Variants in LCP1 observed in about 807,000 individuals in gnomAD.
LCP1 encodes the protein lymphocyte cytosolic protein 1, also known as plastin-2.
In LCP1, 23 loss-of-function variants were observed where a neutral mutation model predicts 72.0. The observed-to-expected ratio is 0.32, with a 90% confidence interval of 0.23 to 0.45. LCP1 has a LOEUF of 0.45. Ranked by LOEUF, LCP1 falls within the 20% of genes least tolerant of loss-of-function variation. The pLI is 1.00. For missense variants in LCP1, 571 were observed against 748.3 expected (o/e 0.76, Z 2.76); for synonymous variants, 245 against 275.4 (o/e 0.89, Z 1.09).
At chr13:46,177,896 A>G (rs2045939339) in intron 1 of LCP1, among the ~76,000 whole-genome samples, 1 of 145,626 alleles carries the variant, frequency 6.9e-6, no homozygotes, top group African/African-American at 2.6e-5. Flanking sequence ...GATGATGATG[A>G]TGATATGATG....
At chr13:46,179,561 G>A (rs2138292403) in intron 1 of LCP1, among the ~76,000 whole-genome samples, 1 of 152,304 alleles carries the variant, frequency 6.6e-6, no homozygotes, top group East Asian at 1.9e-4. Flanking sequence ...ACATTTAGTG[G>A]GGGCAGGGAG....
At position 46,151,035 on chromosome 13, in the gene LCP1, C is replaced by T. The variant is rs1172203849; in HGVS notation, c.783G>A (p.Leu261=). The T allele has an allele frequency of 6.2e-7, 1 of 1,614,048 alleles. No homozygotes were observed. The highest frequency in any genetic ancestry group is 1.1e-5 in the South Asian group (1 of 91,080). Residue 261 remains leucine, a synonymous_variant, in exon 8 of 16, where the codon TTG becomes TTA. Transcript: ENST00000323076. ...LLREGESLED[L]MKLSPEELLL... The stretch of plus-strand genomic sequence containing the variant: ...AGAGCTCTTCAGGGGAGAGTTTCAT[C>T]AAATCCTCCAGGCTCTCACCTTCTC...
Position 46,148,354 on chromosome 13 carries a change from G to A in LCP1, c.976C>T (p.Arg326Trp), listed in dbSNP as rs759502564. 20 of 1,609,624 alleles carry A rather than the reference G, an allele frequency of 1.2e-5. No individual in the cohort carries two copies. The East Asian group carries it at 1.8e-4, about 14-fold the overall frequency. The change falls in exon 9 of 16, where the codon CGG (arginine) becomes TGG (tryptophan). Residue 326 changes from arginine to tryptophan, a missense_variant and splice_region_variant. Arg to Trp is a moderately radical substitution (Grantham distance 101). Coordinates refer to ENST00000323076, the MANE Select transcript of LCP1 (RefSeq NM_002298.5). ...PAVVIDMSGL[R>W]EKDDIQRAEC... ...ACACAACTGGGACCTGGCCTTACCC[G>A]CAGTCCTGACATGTCAATAACAACA...
At chr13:46,148,062 T>C (rs538363307) in intron 9 of LCP1, among the ~76,000 whole-genome samples, 70 of 152,352 alleles carry the variant, frequency 4.6e-4, no homozygotes, top group Middle Eastern at 6.8e-3. Flanking sequence ...TATTATAACA[T>C]TCAGACCCAT....
chr13:46,150,239 T>C (rs1312872116), intron 8 of LCP1, among the ~76,000 whole-genome samples: 2 of 152,240 alleles, frequency 1.3e-5, no homozygotes, highest in Admixed American at 1.3e-4. Context: ...TCTTTCCTTC[T>C]AGGGACCGCT....
At chr13:46,151,676 C>A (rs1394457644) in intron 7 of LCP1, among the ~76,000 whole-genome samples, 1 of 152,184 alleles carries the variant, frequency 6.6e-6, no homozygotes, top group East Asian at 1.9e-4. Context: ...CCTATTTCCT[C>A]TCCCCCGCCT....
chr13:46,154,752 T>G (rs1303921018), intron 6 of LCP1, 53 bp downstream of exon 6: 44 of 1,450,674 alleles, frequency 3.0e-5, no homozygotes, highest in Non-Finnish European at 3.8e-5. Flanking sequence ...GCAGTTATGA[T>G]GCTCATTGAT....
chr13:46,133,717 C>T (rs567488338), intron 14 of LCP1, among the ~76,000 whole-genome samples: 171 of 151,258 alleles, frequency 1.1e-3, no homozygotes, highest in African/African-American at 3.9e-3. Context: ...TAAAAATAGA[C>T]AGTAGAAACT....
At position 46,143,377 on chromosome 13, in the gene LCP1, G is replaced by T; in HGVS notation, c.1281C>A (p.Phe427Leu). Reference sequence around the variant, plus strand: ...GAACTTTGATCTTTTCATAGAGCTGGAAGATGACCAGGGCATCTGATAAGT... The same window carrying T: ...GAACTTTGATCTTTTCATAGAGCTGTAAGATGACCAGGGCATCTGATAAGT... ...YSDLSDALVI[F>L]QLYEKIKVPV... is the part of the protein sequence containing the mutation. Residue 427 changes from phenylalanine to leucine, a missense_variant, in exon 12 of 16, where the codon TTC becomes TTA. Coordinates refer to ENST00000323076, the MANE Select transcript of LCP1 (RefSeq NM_002298.5). 7.4e-6 allele frequency: 12 copies of T among 1,613,910 alleles called. No homozygotes were observed. The highest frequency in any genetic ancestry group is 1.0e-5 in the Non-Finnish European group (12 of 1,179,824).
Position 46,151,022 on chromosome 13 carries a change from G to A in LCP1, c.796C>T (p.Pro266Ser). The change falls in exon 8 of 16, where the codon CCT becomes TCT. Residue 266 changes from proline (P) to serine (S), a missense_variant. Pro to Ser is a moderately conservative substitution (Grantham distance 74). Transcript: ENST00000323076. ...GCCCACCTCAGCAAGAGCTCTTCAG[G>A]GGAGAGTTTCATCAAATCCTCCAGG... ...ESLEDLMKLS[P>S]EELLLRWANY... The A allele has an allele frequency of 6.2e-7, 1 of 1,613,926 alleles. No individual in the cohort carries two copies. The highest frequency in any genetic ancestry group is 8.5e-7 in the Non-Finnish European group (1 of 1,179,924).
chr13:46,176,692 G>C (rs2045932305), intron 1 of LCP1, among the ~76,000 whole-genome samples: 1 of 152,160 alleles, frequency 6.6e-6, no homozygotes, highest in Admixed American at 6.5e-5. Flanking sequence ...AGTGCAACCA[G>C]AAAAAGAAGG....
intron 1 of LCP1, among the ~76,000 whole-genome samples, chr13:46,164,411 C>A (rs1011442823): frequency 2.6e-5 from 4 of 152,098 alleles, no homozygotes; most frequent in African/African-American, 7.2e-5. Context: ...ATTTTAAAAT[C>A]ATATTATTTT....
chr13:46,163,607 G>T (rs910548266), intron 1 of LCP1, among the ~76,000 whole-genome samples: 4 of 145,722 alleles, frequency 2.7e-5, no homozygotes, highest in East Asian at 2.0e-4. Flanking sequence ...ATCCCCCTCT[G>T]CGAGAAACAC....
chr13:46,148,821 T>G, intron 8 of LCP1: 5 of 908,848 alleles, frequency 5.5e-6, no homozygotes, highest in Non-Finnish European at 6.6e-6. Context: ...AAGGTTTAAT[T>G]AAAAAAAAGT....
intron 12 of LCP1, 67 bp downstream of exon 12, chr13:46,143,223 A>AT (rs1593948086): frequency 9.4e-7 from 1 of 1,063,550 alleles, no homozygotes; most frequent in East Asian, 2.4e-5. Context: ...CTTATAAAGT[A>AT]TTTAGAGTGC....
In LCP1 at chr13:46,126,015, G is replaced by A. The variant is rs770612035; in HGVS notation, c.*1576C>T. The A allele has an allele frequency of 1.5e-5, 3 of 204,098 alleles. No individual in the cohort carries two copies. The highest frequency in any genetic ancestry group is 6.8e-5 in the African/African-American group (3 of 43,842). The allele number at this position is 204,098 out of a possible 1,614,324, so 12.6% of individuals were successfully genotyped here. A position where few individuals can be genotyped will look rare whatever the true frequency, so the allele number is the denominator to read the frequency against. ...ACATTCTTTCTTCCTGGAGGCGGAG[G>A]GGGGAAATCATCTGAGGCTACAGTA... On this transcript the variant is annotated 3_prime_UTR_variant, in exon 16 of 16. Coordinates refer to ENST00000323076, the MANE Select transcript of LCP1 (RefSeq NM_002298.5).
At chr13:46,136,577 G>T (rs1175186592) in intron 13 of LCP1, among the ~76,000 whole-genome samples, 1 of 152,170 alleles carries the variant, frequency 6.6e-6, no homozygotes, top group Admixed American at 6.5e-5. Context: ...TATAAATGGG[G>T]TAAGTGCAGA....
chr13:46,151,126 G>A (rs1435492968), intron 7 of LCP1, 48 bp from the exon 8 acceptor site: 3 of 1,569,106 alleles, frequency 1.9e-6, no homozygotes, highest in Non-Finnish European at 2.6e-6. Flanking sequence ...CGATGTTGGG[G>A]GAGGGGGGTT....
At chr13:46,148,223 C>A in intron 9 of LCP1, 129 bp downstream of exon 9, 2 of 634,606 alleles carry the variant, frequency 3.2e-6, no homozygotes, top group Non-Finnish European at 5.6e-6. Context: ...ACAGTTTTAC[C>A]GTTTTAACAG....
Sources: allele counts gnomAD v4.1 joint callset (sites outside exome capture counted in the v4.1 genomes callset), GRCh38; gene constraint gnomAD v4.1.1; transcripts MANE v1.5; gene names NCBI Gene and HGNC (gene_info 2026-07-23, HGNC 2026-07-21).